The following SLC39A12 variants were observed in gnomAD, a reference collection of about 807,000 sequenced individuals.
SLC39A12 encodes the protein solute carrier family 39 member 12.
Under a neutral mutation model 71.1 loss-of-function variants are expected in SLC39A12, and 63 were observed. The ratio of observed to expected loss-of-function variants is 0.89; its 90% CI spans 0.72 to 1.09. The LOEUF is 1.09. Ranked by LOEUF, SLC39A12 falls within the 50% of genes least tolerant of loss-of-function variation. SLC39A12 has a pLI of 0.00. For synonymous variants in SLC39A12, 351 were observed against 301.3 expected, an observed-to-expected ratio of 1.16 and a Z score of -1.71; for missense variants, 892 against 812.6, an observed-to-expected ratio of 1.10 and a Z score of -1.19.
At chr10:17,966,307 T>TTTG (rs890347333) in intron 4 of SLC39A12, among the ~76,000 whole-genome samples, 4 of 152,116 alleles carry the variant, frequency 2.6e-5, no homozygotes, top group African/African-American at 9.6e-5. Context: ...GAGATGGATT[T>TTTG]TTGTTGTTGT....
At chr10:18,016,833 T>A (rs186035622) in intron 12 of SLC39A12, among the ~76,000 whole-genome samples, 1 of 152,242 alleles carries the variant, frequency 6.6e-6, no homozygotes, top group African/African-American at 2.4e-5. Context: ...CTTGCCATCA[T>A]ACATCTTCTT....
At chr10:17,969,022 A>G (rs1834902401) in intron 4 of SLC39A12, among the ~76,000 whole-genome samples, 1 of 152,188 alleles carries the variant, frequency 6.6e-6, no homozygotes, top group Non-Finnish European at 1.5e-5. Flanking sequence ...GATCCCACAA[A>G]TAAGTGAGAA....
At chr10:17,968,866 T>A (rs1215199105) in intron 4 of SLC39A12, among the ~76,000 whole-genome samples, 1 of 152,210 alleles carries the variant, frequency 6.6e-6, no homozygotes, top group Non-Finnish European at 1.5e-5. Context: ...ATAGTTATCA[T>A]GTCGTGCTAT....
intron 4 of SLC39A12, among the ~76,000 whole-genome samples, chr10:17,970,055 C>T (rs1016839554): frequency 5.9e-5 from 9 of 152,086 alleles, no homozygotes; most frequent in Admixed American, 3.9e-4. Flanking sequence ...GTCTTTTCCC[C>T]AGTGTATGTT....
intron 12 of SLC39A12, among the ~76,000 whole-genome samples, chr10:18,041,126 C>A (rs142861555): frequency 3.9e-5 from 6 of 152,246 alleles, no homozygotes; most frequent in Admixed American, 6.5e-5. Flanking sequence ...AAGAGGTATG[C>A]TTGCTCTGAC....
chr10:18,026,846 T>G (rs953460236), intron 12 of SLC39A12, among the ~76,000 whole-genome samples: 11 of 152,174 alleles, frequency 7.2e-5, no homozygotes, highest in Admixed American at 7.2e-4. Context: ...TGACAGTGTT[T>G]TTAATCTCTA....
chr10:18,036,746 TTATATATATATATATATA>T (rs1195629854), intron 12 of SLC39A12, among the ~76,000 whole-genome samples: 9 of 37,494 alleles, frequency 2.4e-4, no homozygotes, highest in Admixed American at 1.2e-3. Context: ...ATTTTAAAAA[TTATATATATATATATATA>T]TATATATATA....
At chr10:17,963,282 C>G (rs12260894) in intron 3 of SLC39A12, among the ~76,000 whole-genome samples, 14,355 of 152,208 alleles carry the variant, frequency 0.094, 715 homozygotes, top group African/African-American at 0.11. Flanking sequence ...TCTGTGTAAT[C>G]CAAGTTTGAT....
In SLC39A12 at chr10:18,036,767, TATATATATATATATATATATATATA is replaced by T. The variant is rs1837044031; in HGVS notation, c.1948-5937_1948-5913del. Among the ~76,000 whole-genome samples the T allele has an allele frequency of 5.8e-4, 40 of 68,672 alleles. 1 individual carries two copies. The highest frequency in any genetic ancestry group is 0.016 in the Middle Eastern group (2 of 128). The allele number at this position is 68,672 out of a possible 152,430, so 45.1% of individuals were successfully genotyped here. On this transcript the variant is annotated intron_variant, in intron 12 of 12. Transcript: ENST00000377369. The stretch of plus-strand genomic sequence containing the variant: ...AAAATTATATATATATATATATATA[TATATATATATATATATATATATATA>T]TATTTTTTTTTTTAATGGAATCTCA...
intron 12 of SLC39A12, among the ~76,000 whole-genome samples, chr10:18,036,767 TATATATATATATATATATATA>T (rs1389691909): frequency 0.035 from 2,370 of 68,684 alleles, 259 homozygotes; most frequent in African/African-American, 0.081. Context: ...TATATATATA[TATATATATATATATATATATA>T]TATATATTTT....
intron 10 of SLC39A12, among the ~76,000 whole-genome samples, 159 bp downstream of exon 10, chr10:17,995,881 C>G (rs1835670755): frequency 1.3e-5 from 2 of 152,202 alleles, no homozygotes; most frequent in Admixed American, 6.5e-5. Context: ...TAATTCCTAT[C>G]CAGCTCTCAA....
At position 18,042,768 on chromosome 10, in the gene SLC39A12, G is replaced by A. The variant is rs1173548312; in HGVS notation, c.2011G>A (p.Gly671Arg). Residue 671 changes from glycine to arginine, a missense_variant, in exon 13 of 13, where the codon GGA (glycine) becomes AGA (arginine). Physicochemically the swap from Gly to Arg is moderately radical, Grantham distance 125 (BLOSUM62 -2). Coordinates refer to ENST00000377369, the MANE Select transcript of SLC39A12 (RefSeq NM_001145195.2). ...PWMMFLLQNF[G>R]LILGWLSLLL... Reference sequence around the variant, plus strand: ...GATGATGTTTCTCCTGCAAAACTTTGGATTGATCCTAGGTTGGCTTTCTCT... The same window carrying A: ...GATGATGTTTCTCCTGCAAAACTTTAGATTGATCCTAGGTTGGCTTTCTCT... The A allele has an allele frequency of 6.2e-7, 1 of 1,612,888 alleles. No homozygotes were observed. The highest frequency in any genetic ancestry group is 1.7e-5 in the Admixed American group (1 of 59,808).
At chr10:17,962,462 CCTTTCAGTTAGGTTTTTG>C (rs1241478889) in intron 3 of SLC39A12, among the ~76,000 whole-genome samples, 3 of 152,076 alleles carry the variant, frequency 2.0e-5, no homozygotes, top group Admixed American at 6.6e-5. Context: ...GCAAAACTGG[CCTTTCAGTTAGGTTTTTG>C]CTTTCTGGTT....
At chr10:18,003,891 A>G (rs1183334353) in intron 12 of SLC39A12, among the ~76,000 whole-genome samples, 1 of 152,254 alleles carries the variant, frequency 6.6e-6, no homozygotes. Context: ...TGTTTTTTAA[A>G]TAATGATTAC....
chr10:17,974,060 T>C (rs1179584085), intron 4 of SLC39A12, among the ~76,000 whole-genome samples: 1 of 151,498 alleles, frequency 6.6e-6, no homozygotes, highest in African/African-American at 2.4e-5. Context: ...TTTTAAATTA[T>C]TTTTAAATTA....
At chr10:18,028,248 A>C (rs1365987314) in intron 12 of SLC39A12, among the ~76,000 whole-genome samples, 1 of 152,226 alleles carries the variant, frequency 6.6e-6, no homozygotes, top group Non-Finnish European at 1.5e-5. Flanking sequence ...TCAGTAAATG[A>C]ATATTGTTTC....
intron 2 of SLC39A12, among the ~76,000 whole-genome samples, chr10:17,957,662 A>G (rs1013124005): frequency 6.6e-6 from 1 of 152,128 alleles, no homozygotes. Flanking sequence ...CATTAACAAC[A>G]AAACAAATCT....
intron 10 of SLC39A12, among the ~76,000 whole-genome samples, chr10:17,999,145 A>G (rs1461032947): frequency 6.6e-6 from 1 of 152,016 alleles, no homozygotes; most frequent in East Asian, 1.9e-4. Flanking sequence ...AAAATACAAA[A>G]AAACTAGGCA....
intron 12 of SLC39A12, chr10:18,004,206 A>T (rs1488908825): frequency 6.6e-6 from 1 of 152,230 alleles, no homozygotes; most frequent in Non-Finnish European, 1.5e-5. Context: ...CATATTGATT[A>T]TCCCTTCTCA....
Sources: allele counts gnomAD v4.1 joint callset (sites outside exome capture counted in the v4.1 genomes callset), GRCh38; gene constraint gnomAD v4.1.1; transcripts MANE v1.5; gene names NCBI Gene and HGNC (gene_info 2026-07-23, HGNC 2026-07-21).